RGS7BP: variants seen among roughly 807,000 people sequenced by gnomAD.
RGS7BP encodes regulator of G protein signaling 7 binding protein.
In RGS7BP, 9 loss-of-function variants were observed where a neutral mutation model predicts 31.3. The observed-to-expected ratio is 0.29, with a 90% CI of 0.17 to 0.50. The LOEUF is 0.50. Among genes scored for constraint, RGS7BP ranks in the 20% least tolerant of loss-of-function variants. The pLI, the probability that RGS7BP is intolerant of heterozygous loss-of-function variation, is 0.98. For synonymous variants in RGS7BP, 115 were observed against 120.1 expected (o/e 0.96, Z 0.28); for missense variants, 274 against 322.0 (o/e 0.85, Z 1.14).
chr5:64,563,727 G>T (rs561322568), intron 2 of RGS7BP, among the ~76,000 whole-genome samples: 1 of 152,236 alleles, frequency 6.6e-6, no homozygotes, highest in Non-Finnish European at 1.5e-5. Flanking sequence ...GTGGTAATTT[G>T]TCATGGCAGC....
Position 64,594,709 on chromosome 5 carries a change from G to A in RGS7BP, c.464-1G>A. On this transcript the variant is annotated splice_acceptor_variant, in intron 3 of 5. Transcript: ENST00000334025. LOFTEE classifies it high-confidence loss of function. ...CTTTACCAACACCCTCCCTCCCTTAGGAAAGGAACCTGGCGGGGGAACCAA... is the reference window on the plus strand; with the variant it reads ...CTTTACCAACACCCTCCCTCCCTTAAGAAAGGAACCTGGCGGGGGAACCAA... 6.2e-7 allele frequency: 1 copy of A among 1,613,502 alleles called. No individual in the cohort carries two copies. Among genetic ancestry groups the A allele is most frequent in the Non-Finnish European group, 8.5e-7 (1 of 1,179,656 alleles).
At chr5:64,570,823 T>C (rs982580730) in intron 2 of RGS7BP, among the ~76,000 whole-genome samples, 1 of 152,178 alleles carries the variant, frequency 6.6e-6, no homozygotes, top group African/African-American at 2.4e-5. Context: ...TATCTACCTG[T>C]CTATCCCTCT....
chr5:64,509,316 T>C (rs1158912651), intron 2 of RGS7BP, among the ~76,000 whole-genome samples: 2 of 151,960 alleles, frequency 1.3e-5, no homozygotes, highest in East Asian at 3.9e-4. Context: ...GGCTAAGGAG[T>C]AGCAACTCTG....
At chr5:64,535,329 T>G (rs879758325) in intron 2 of RGS7BP, among the ~76,000 whole-genome samples, 52 of 152,220 alleles carry the variant, frequency 3.4e-4, no homozygotes, top group Non-Finnish European at 3.5e-4. Flanking sequence ...AACAAGTGTA[T>G]ACACTAGATG....
At position 64,611,908 on chromosome 5, in the gene RGS7BP, C is replaced by T. The variant is rs1040166140; in HGVS notation, c.*2656C>T. 1.7e-4 allele frequency: 26 copies of T among 152,034 alleles called. No homozygotes were observed. The highest frequency in any genetic ancestry group is 6.3e-4 in the African/African-American group (26 of 41,508). The allele number at this position is 152,034 out of a possible 1,614,324, so 9.4% of individuals were successfully genotyped here. On this transcript the variant is annotated 3_prime_UTR_variant, in exon 6 of 6. Transcript: ENST00000334025. ...CGATAAAGTTCTACTGTCTCGGCTT[C>T]CTGCTGGTAATTCGCTTTCAGATTA...
At chr5:64,510,273 TAAG>T (rs1228950865) in intron 2 of RGS7BP, among the ~76,000 whole-genome samples, 2 of 152,334 alleles carry the variant, frequency 1.3e-5, no homozygotes, top group East Asian at 3.9e-4. Context: ...GTCACACAGC[TAAG>T]AAGTGACACA....
intron 2 of RGS7BP, among the ~76,000 whole-genome samples, chr5:64,563,446 C>T (rs1742099244): frequency 6.6e-6 from 1 of 152,070 alleles, no homozygotes; most frequent in Non-Finnish European, 1.5e-5. Flanking sequence ...GGCCTCTAAT[C>T]CATCATGACT....
At chr5:64,604,631 G>A (rs1366505266) in intron 5 of RGS7BP, among the ~76,000 whole-genome samples, 1 of 152,108 alleles carries the variant, frequency 6.6e-6, no homozygotes, top group Non-Finnish European at 1.5e-5. Flanking sequence ...AACTCTGGAG[G>A]TGGGGTCAGC....
chr5:64,526,511 C>A (rs1749234544), intron 2 of RGS7BP, among the ~76,000 whole-genome samples: 1 of 152,196 alleles, frequency 6.6e-6, no homozygotes, highest in Non-Finnish European at 1.5e-5. Context: ...AATTTGCAAT[C>A]TCTGGCCTGA....
intron 2 of RGS7BP, among the ~76,000 whole-genome samples, chr5:64,571,193 A>C (rs2111888007): frequency 6.6e-6 from 1 of 152,236 alleles, no homozygotes; most frequent in South Asian, 2.1e-4. Context: ...CTTTTGTGTA[A>C]GGATTTTCTC....
At chr5:64,517,248 A>C (rs1296214633) in intron 2 of RGS7BP, among the ~76,000 whole-genome samples, 1 of 152,172 alleles carries the variant, frequency 6.6e-6, no homozygotes, top group Non-Finnish European at 1.5e-5. Context: ...AGCTCTCCTT[A>C]ATCAGTTTCA....
intron 3 of RGS7BP, among the ~76,000 whole-genome samples, chr5:64,581,698 C>T (rs951892935): frequency 2.6e-5 from 4 of 152,220 alleles, no homozygotes; most frequent in African/African-American, 9.6e-5. Flanking sequence ...AATTAAGCAA[C>T]TTCTAACTGT....
At chr5:64,548,609 A>G (rs1741715890) in intron 2 of RGS7BP, among the ~76,000 whole-genome samples, 1 of 152,008 alleles carries the variant, frequency 6.6e-6, no homozygotes, top group Non-Finnish European at 1.5e-5. Flanking sequence ...TCCTGGTTTC[A>G]AGCAATTCTG....
intron 2 of RGS7BP, among the ~76,000 whole-genome samples, chr5:64,532,388 G>A (rs1749394058): frequency 6.6e-6 from 1 of 151,760 alleles, no homozygotes; most frequent in Non-Finnish European, 1.5e-5. Flanking sequence ...GTAGAACAAT[G>A]AGGCTTAATC....
At chr5:64,595,093 G>A (rs915460325) in intron 4 of RGS7BP, among the ~76,000 whole-genome samples, 4 of 152,200 alleles carry the variant, frequency 2.6e-5, no homozygotes, top group Non-Finnish European at 4.4e-5. Context: ...AACACCCACA[G>A]TAGGCACAGG....
intron 2 of RGS7BP, among the ~76,000 whole-genome samples, chr5:64,513,317 T>C (rs1000498009): frequency 6.6e-6 from 1 of 152,194 alleles, no homozygotes; most frequent in African/African-American, 2.4e-5. Flanking sequence ...CCTTTTCTCC[T>C]TCTCTTTCCT....
At chr5:64,605,893 C>CTA (rs1743338870) in intron 5 of RGS7BP, among the ~76,000 whole-genome samples, 1 of 143,060 alleles carries the variant, frequency 7.0e-6, no homozygotes, top group Admixed American at 7.0e-5. Context: ...TATATATATG[C>CTA]TATATATATG....
At chr5:64,541,513 C>G (rs1431081684) in intron 2 of RGS7BP, among the ~76,000 whole-genome samples, 1 of 152,250 alleles carries the variant, frequency 6.6e-6, no homozygotes, top group Non-Finnish European at 1.5e-5. Flanking sequence ...CTGCCACATT[C>G]ACTTCCTACC....
chr5:64,560,693 C>A (rs1228218200), intron 2 of RGS7BP, among the ~76,000 whole-genome samples: 1 of 152,000 alleles, frequency 6.6e-6, no homozygotes, highest in Non-Finnish European at 1.5e-5. Flanking sequence ...TTTTGTAAAT[C>A]CAACTGAGCC....
Sources: allele counts gnomAD v4.1 joint callset (sites outside exome capture counted in the v4.1 genomes callset), GRCh38; gene constraint gnomAD v4.1.1; transcripts MANE v1.5; gene names NCBI Gene and HGNC (gene_info 2026-07-23, HGNC 2026-07-21).